Variants in STMND1 observed in about 807,000 individuals in gnomAD.
STMND1 encodes the protein stathmin domain-containing protein 1.
A neutral mutation model predicts 23.0 loss-of-function variants in STMND1; 17 were observed. The ratio of observed to expected loss-of-function variants is 0.74; its 90% CI spans 0.51 to 1.11. The LOEUF is 1.11. Ranked by LOEUF, STMND1 falls within the 50% of genes least tolerant of loss-of-function variation. The probability of loss-of-function intolerance (pLI) is 0.00; values close to 1 mark genes in which losing one functional copy is unlikely to be tolerated. For missense variants in STMND1, 305 were observed against 329.1 expected (o/e 0.93, Z 0.57); for synonymous variants, 114 against 119.9 (o/e 0.95, Z 0.32).
chr6:17,105,561 C>T (rs560347964), intron 1 of STMND1, among the ~76,000 whole-genome samples: 1 of 152,156 alleles, frequency 6.6e-6, no homozygotes, highest in South Asian at 2.1e-4. Flanking sequence ...AGGAGAATAG[C>T]TTGAACCTGG....
At chr6:17,126,288 G>T (rs1410268064) in intron 3 of STMND1, among the ~76,000 whole-genome samples, 5 of 151,374 alleles carry the variant, frequency 3.3e-5, no homozygotes, top group South Asian at 2.1e-4. Flanking sequence ...AAAGAATACA[G>T]ATATCTTTCT....
intron 1 of STMND1, among the ~76,000 whole-genome samples, chr6:17,106,568 CCTAG>C (rs1156937962): frequency 6.6e-6 from 1 of 152,150 alleles, no homozygotes; most frequent in Non-Finnish European, 1.5e-5. Flanking sequence ...GACCTTCTTT[CCTAG>C]CCCCAAGCAC....
intron 2 of STMND1, 104 bp downstream of exon 2, chr6:17,115,243 G>C (rs1761143393): frequency 8.7e-7 from 1 of 1,147,658 alleles, no homozygotes; most frequent in South Asian, 1.7e-5. Flanking sequence ...TGCTTTCTGG[G>C]CCATGAAGTA....
intron 3 of STMND1, among the ~76,000 whole-genome samples, chr6:17,123,574 A>G (rs1761259479): frequency 6.6e-6 from 1 of 152,070 alleles, no homozygotes; most frequent in Admixed American, 6.6e-5. Context: ...CCCTGCTTTC[A>G]CACTTCTGAA....
At chr6:17,102,838 T>C (rs1760961803) in intron 1 of STMND1, among the ~76,000 whole-genome samples, 1 of 152,186 alleles carries the variant, frequency 6.6e-6, no homozygotes, top group African/African-American at 2.4e-5. Flanking sequence ...TCTCGATTCA[T>C]AGATGAGAAT....
At chr6:17,126,523 T>C (rs1445906395) in intron 3 of STMND1, among the ~76,000 whole-genome samples, 1 of 152,162 alleles carries the variant, frequency 6.6e-6, no homozygotes, top group African/African-American at 2.4e-5. Flanking sequence ...TTAGTGGATC[T>C]TGGATTACTA....
rs140352961 is a variant in STMND1, at chr6:17,123,440, G to A, written c.411+2682G>A. On this transcript the variant is annotated intron_variant, in intron 3 of 4. Coordinates refer to ENST00000536551, the MANE Select transcript of STMND1 (RefSeq NM_001190766.2). Reference sequence around the variant, plus strand: ...GCAACAGACCAGGCAGCAACACACAGCTCTCTTGTTTCATCGCCTAATCCA... The same window carrying A: ...GCAACAGACCAGGCAGCAACACACAACTCTCTTGTTTCATCGCCTAATCCA... Among the ~76,000 whole-genome samples, 176 of 152,176 alleles carry A rather than the reference G, an allele frequency of 1.2e-3. 2 individuals carry two copies. The highest frequency in any genetic ancestry group is 3.9e-3 in the African/African-American group (162 of 41,510).
At chr6:17,126,055 TATATATATATATATA>T (rs1272797106) in intron 3 of STMND1, among the ~76,000 whole-genome samples, 2,510 of 32,970 alleles carry the variant, frequency 0.076, 135 homozygotes, top group Non-Finnish European at 0.089. Context: ...TATATATATA[TATATATATATATATA>T]TTTTTTTTTT....
rs1317558443 is a variant in STMND1, at chr6:17,130,797, G to A, written c.747G>A (p.Leu249=). 6.5e-7 allele frequency: 1 copy of A among 1,536,064 alleles called. No homozygotes were observed. The highest frequency in any genetic ancestry group is 8.7e-7 in the Non-Finnish European group (1 of 1,146,912). Residue 249 remains leucine, a synonymous_variant, in exon 5 of 5, where the codon TTG becomes TTA. Coordinates refer to ENST00000536551, the MANE Select transcript of STMND1 (RefSeq NM_001190766.2). ...AGAAGAGTAAATGTGATGCAACCTT[G>A]ATTGATAGAAACGAAAGTGATGAAA... ...KRKKSKCDAT[L]IDRNESDESF... is the part of the protein sequence containing the mutation.
At position 17,115,131 on chromosome 6, in the gene STMND1, T is replaced by G; in HGVS notation, c.251T>G (p.Val84Gly). 6.5e-7 allele frequency: 1 copy of G among 1,534,000 alleles called. No individual in the cohort carries two copies. The highest frequency in any genetic ancestry group is 8.7e-7 in the Non-Finnish European group (1 of 1,146,210). The part of the protein sequence containing the change: ...SPSPSERNRR[V>G]NSDLVTNGLI... Reference sequence around the variant, plus strand: ...TCTCCTAGTGAAAGAAACAGACGAGTAAATTCAGGTAACCTCCCTCTGCCC... The same window carrying G: ...TCTCCTAGTGAAAGAAACAGACGAGGAAATTCAGGTAACCTCCCTCTGCCC... The change falls in exon 2 of 5, where the codon GTA (valine) becomes GGA (glycine). Residue 84 changes from valine (V) to glycine (G), a missense_variant. Transcript: ENST00000536551.
intron 1 of STMND1, among the ~76,000 whole-genome samples, chr6:17,113,272 T>G (rs1334645370): frequency 2.0e-5 from 3 of 152,196 alleles, no homozygotes; most frequent in African/African-American, 4.8e-5. Flanking sequence ...GATACAGTCA[T>G]GAAGGCTGGC....
rs773234245 is a variant in STMND1 at position 17,102,365 on chromosome 6, AACAAACAG to A, written c.81+31_81+38del. 196 of 1,525,550 alleles carry A rather than the reference AACAAACAG, an allele frequency of 1.3e-4. No individual in the cohort carries two copies. In the African/African-American group the frequency reaches 2.2e-3, roughly 17 times the overall value. 94.5% of individuals were successfully genotyped at this position (1,525,550 alleles called of 1,614,324 possible). On this transcript the variant is annotated intron_variant, in intron 1 of 4. Coordinates refer to ENST00000536551, the MANE Select transcript of STMND1 (RefSeq NM_001190766.2). ...TAATAAACAAACAAACAAACAAACAAACAAACAGACAGAAAGCCTTTTGCCTGGGAGGT... is the reference window on the plus strand; with the variant it reads ...TAATAAACAAACAAACAAACAAACAAACAGAAAGCCTTTTGCCTGGGAGGT...
intron 3 of STMND1, among the ~76,000 whole-genome samples, chr6:17,121,199 T>G (rs1474086093): frequency 6.6e-6 from 1 of 152,248 alleles, no homozygotes; most frequent in Non-Finnish European, 1.5e-5. Flanking sequence ...TGTAGAACTC[T>G]GAATCAATTA....
chr6:17,125,085 G>T (rs1761278678), intron 3 of STMND1, among the ~76,000 whole-genome samples: 1 of 150,202 alleles, frequency 6.7e-6, no homozygotes, highest in South Asian at 2.1e-4. Flanking sequence ...ACGAGGCTCA[G>T]CTGGGAGCGT....
intron 1 of STMND1, among the ~76,000 whole-genome samples, chr6:17,104,393 C>CGCCGTTATCA (rs1561920831): frequency 6.6e-6 from 1 of 152,026 alleles, no homozygotes; most frequent in East Asian, 1.9e-4. Context: ...TTTCTTTTCT[C>CGCCGTTATCA]GCCGTTATCA....
chr6:17,114,895 G>T lies in STMND1; in HGVS notation c.82-67G>T, dbSNP rs967767410. The T allele has an allele frequency of 2.8e-6, 4 of 1,425,360 alleles. No homozygotes were observed. In the African/African-American group the frequency reaches 5.7e-5, roughly 20 times the overall value. The allele number at this position is 1,425,360 out of a possible 1,614,324, so 88.3% of individuals were successfully genotyped here. ...TAGCTGGCTAAATATTCACAAAGCA[G>T]ACCCTGCAACATTGTTTTTATTTAC... is the stretch of plus-strand genomic sequence containing the variant. On this transcript the variant is annotated intron_variant, in intron 1 of 4. Transcript: ENST00000536551.
chr6:17,126,034 T>TTTTATATATA (rs1348334184), intron 3 of STMND1, among the ~76,000 whole-genome samples: 2 of 42,006 alleles, frequency 4.8e-5, no homozygotes, highest in African/African-American at 2.5e-4. Flanking sequence ...GATCATTGTT[T>TTTTATATATA]TATATATATA....
At chr6:17,116,513 C>A (rs1268233247) in intron 2 of STMND1, among the ~76,000 whole-genome samples, 1 of 152,090 alleles carries the variant, frequency 6.6e-6, no homozygotes, top group Non-Finnish European at 1.5e-5. Context: ...AATCTCCGCT[C>A]ACTGCAACCT....
chr6:17,111,245 A>C (rs1285108744), intron 1 of STMND1, among the ~76,000 whole-genome samples: 2 of 152,178 alleles, frequency 1.3e-5, no homozygotes, highest in African/African-American at 2.4e-5. Context: ...TGGTTTGAAG[A>C]AACAGACTCC....
Sources: gnomAD v4.1 joint callset for allele counts (sites outside exome capture counted in the v4.1 genomes callset) on GRCh38, gnomAD v4.1.1 for gene constraint, MANE v1.5 for transcripts, NCBI Gene and HGNC (gene_info 2026-07-23, HGNC 2026-07-21) for gene names.